The following GRM7 variants were observed in gnomAD, a reference collection of about 807,000 sequenced individuals.
GRM7 encodes glutamate metabotropic receptor 7, also known as metabotropic glutamate receptor 7.
GRM7 carries 35 observed loss-of-function variants against 84.5 expected under a neutral mutation model. That is an observed-to-expected ratio of 0.41 (90% CI 0.32 to 0.55). The LOEUF (loss-of-function observed/expected upper bound fraction) is 0.55, where lower values mean the gene tolerates loss of function less well. GRM7 is among the 20% of genes least tolerant of loss of function. The probability of loss-of-function intolerance (pLI) is 0.19; values close to 1 mark genes in which losing one functional copy is unlikely to be tolerated. For missense variants in GRM7, 1,003 were observed against 1,194.6 expected (o/e 0.84, Z 2.36); for synonymous variants, 487 against 455.1 (o/e 1.07, Z -0.89).
intron 2 of GRM7, among the ~76,000 whole-genome samples, chr3:7,175,884 A>G (rs1445489070): frequency 1.3e-5 from 2 of 152,152 alleles, no homozygotes; most frequent in African/African-American, 2.4e-5. Context: ...TAAAACAAAA[A>G]TTCTGCTAGA....
chr3:7,643,964 G>A (rs1460333511), intron 8 of GRM7, among the ~76,000 whole-genome samples: 1 of 151,608 alleles, frequency 6.6e-6, no homozygotes, highest in Non-Finnish European at 1.5e-5. Context: ...TGTGGTCTTG[G>A]AGAGAAGATC....
intron 8 of GRM7, 123 bp from the exon 9 acceptor site, chr3:7,679,926 T>C (rs162802): frequency 0.47 from 388,554 of 830,882 alleles, 95,406 homozygotes; most frequent in Non-Finnish European, 0.52. Context: ...CCTTTATTTA[T>C]CAAAATGCCC....
At chr3:7,602,929 T>A (rs1330689110) in intron 8 of GRM7, among the ~76,000 whole-genome samples, 1 of 152,138 alleles carries the variant, frequency 6.6e-6, no homozygotes, top group Non-Finnish European at 1.5e-5. Flanking sequence ...GTTGGTAAGT[T>A]AAGCTTTTAA....
At position 7,547,230 on chromosome 3, in the gene GRM7, G is replaced by A. The variant is rs543899257; in HGVS notation, c.1516-31192G>A. Among the ~76,000 whole-genome samples, 58 of 125,996 alleles carry A rather than the reference G, an allele frequency of 4.6e-4. No individual in the cohort carries two copies. In the South Asian group the frequency reaches 0.014, roughly 31 times the overall value. 82.7% of individuals were successfully genotyped at this position (125,996 alleles called of 152,430 possible). A position where few individuals can be genotyped will look rare whatever the true frequency, so the allele number is the denominator to read the frequency against. ...TTTTTTTTTTTTTTTTTTTTGAGACGGAGTCTCACTCTGTCGCCCAGGCTG... is the reference window on the plus strand; with the variant it reads ...TTTTTTTTTTTTTTTTTTTTGAGACAGAGTCTCACTCTGTCGCCCAGGCTG... On this transcript the variant is annotated intron_variant, in intron 7 of 9. Coordinates refer to ENST00000357716, the MANE Select transcript of GRM7 (RefSeq NM_000844.4).
At chr3:7,619,347 G>C (rs1697254641) in intron 8 of GRM7, among the ~76,000 whole-genome samples, 1 of 151,978 alleles carries the variant, frequency 6.6e-6, no homozygotes, top group Admixed American at 6.6e-5. Flanking sequence ...GTTTAAATTG[G>C]ACAGCACAGT....
At chr3:6,998,906 A>T (rs1694917150) in intron 1 of GRM7, among the ~76,000 whole-genome samples, 1 of 152,204 alleles carries the variant, frequency 6.6e-6, no homozygotes, top group African/African-American at 2.4e-5. Flanking sequence ...TTGGTCTGTG[A>T]TGGAGAAGCT....
chr3:7,167,137 T>A (rs963131599), intron 2 of GRM7, among the ~76,000 whole-genome samples: 3 of 152,212 alleles, frequency 2.0e-5, no homozygotes, highest in African/African-American at 7.2e-5. Context: ...TTCCAATCAA[T>A]CAAATATTTC....
chr3:7,355,076 C>A (rs1693333111), intron 4 of GRM7, among the ~76,000 whole-genome samples: 2 of 152,054 alleles, frequency 1.3e-5, no homozygotes, highest in Non-Finnish European at 1.5e-5. Flanking sequence ...AAAACATTTG[C>A]TTATGAGAAG....
chr3:7,159,108 A>G (rs990554643), intron 2 of GRM7, among the ~76,000 whole-genome samples: 1 of 152,194 alleles, frequency 6.6e-6, no homozygotes, highest in Non-Finnish European at 1.5e-5. Context: ...GTAGATTTTT[A>G]TAGATTAGTT....
intron 7 of GRM7, among the ~76,000 whole-genome samples, chr3:7,517,485 C>T (rs902237188): frequency 3.9e-5 from 6 of 152,204 alleles, no homozygotes; most frequent in South Asian, 2.1e-4. Flanking sequence ...CTCCACCTCC[C>T]GGGTTCAAGG....
chr3:7,670,199 A>G (rs1699861821), intron 8 of GRM7, among the ~76,000 whole-genome samples: 1 of 152,206 alleles, frequency 6.6e-6, no homozygotes, highest in Non-Finnish European at 1.5e-5. Context: ...GCAGGAAAAC[A>G]AAGACATATA....
intron 6 of GRM7, among the ~76,000 whole-genome samples, chr3:7,454,687 G>A (rs1293397428): frequency 6.6e-6 from 1 of 151,916 alleles, no homozygotes; most frequent in African/African-American, 2.4e-5. Flanking sequence ...TGAGAGCCAG[G>A]TTTCTCATTA....
At chr3:7,231,247 T>C (rs145897790) in intron 2 of GRM7, among the ~76,000 whole-genome samples, 1 of 152,240 alleles carries the variant, frequency 6.6e-6, no homozygotes, top group Non-Finnish European at 1.5e-5. Context: ...CCGTTGTACA[T>C]AGAACCCAAC....
At chr3:6,911,250 C>T (rs1365915869) in intron 1 of GRM7, among the ~76,000 whole-genome samples, 2 of 152,086 alleles carry the variant, frequency 1.3e-5, no homozygotes, top group African/African-American at 2.4e-5. Flanking sequence ...TAAATTCTCC[C>T]TCAGCCTTTA....
At chr3:7,111,126 G>A (rs1405127274) in intron 1 of GRM7, among the ~76,000 whole-genome samples, 1 of 152,138 alleles carries the variant, frequency 6.6e-6, no homozygotes, top group Non-Finnish European at 1.5e-5. Flanking sequence ...GAAGCAGGAA[G>A]TGATGAGAGA....
intron 2 of GRM7, among the ~76,000 whole-genome samples, chr3:7,294,909 T>A (rs1699762130): frequency 6.6e-6 from 1 of 152,378 alleles, no homozygotes; most frequent in East Asian, 1.9e-4. Context: ...TTATATATAC[T>A]GGATACATTC....
chr3:7,035,981 GACA>G (rs1049983918), intron 1 of GRM7, among the ~76,000 whole-genome samples: 4 of 152,148 alleles, frequency 2.6e-5, no homozygotes, highest in African/African-American at 9.7e-5. Context: ...GTTTATTATT[GACA>G]ACAAATGATA....
intron 1 of GRM7, among the ~76,000 whole-genome samples, chr3:6,958,598 T>C (rs915930565): frequency 6.6e-6 from 1 of 152,186 alleles, no homozygotes; most frequent in African/African-American, 2.4e-5. Context: ...GGTCATTGAA[T>C]AAATGGCAGT....
At chr3:6,876,467 T>A (rs1048614701) in intron 1 of GRM7, among the ~76,000 whole-genome samples, 1 of 152,080 alleles carries the variant, frequency 6.6e-6, no homozygotes, top group Non-Finnish European at 1.5e-5. Context: ...TGAGAATGTA[T>A]GTTATTATGA....
Sources: allele counts gnomAD v4.1 joint callset (sites outside exome capture counted in the v4.1 genomes callset), GRCh38; gene constraint gnomAD v4.1.1; transcripts MANE v1.5; gene names NCBI Gene and HGNC (gene_info 2026-07-23, HGNC 2026-07-21).